UBXN11: variants seen among roughly 807,000 people sequenced by gnomAD.
UBXN11 encodes the protein UBX domain-containing protein 11.
UBXN11 carries 47 observed loss-of-function variants against 62.8 expected under a neutral mutation model. That is an observed-to-expected ratio of 0.75 (90% confidence interval 0.59 to 0.95). The LOEUF (loss-of-function observed/expected upper bound fraction) is 0.95. Among genes scored for constraint, UBXN11 ranks in the 40% least tolerant of loss-of-function variants. The pLI, the probability that UBXN11 is intolerant of heterozygous loss-of-function variation, is 0.00. For synonymous variants in UBXN11, 294 were observed against 267.0 expected, an observed-to-expected ratio of 1.10 and a Z score of -0.99; for missense variants, 638 against 661.7, an observed-to-expected ratio of 0.96 and a Z score of 0.39.
chr1:26,295,237 C>T (rs2073365157), intron 7 of UBXN11, among the ~76,000 whole-genome samples: 2 of 152,020 alleles, frequency 1.3e-5, no homozygotes, highest in African/African-American at 4.8e-5. Flanking sequence ...TCCAGGATGA[C>T]CCACAAGGCC....
Position 26,296,997 on chromosome 1 carries a change from T to G in UBXN11, c.356-2A>C. ...CCTGCCGCTGCAGGGTTGCCTCGGC[T>G]TCAGGGAAAGACAGGGACAGGCTTC... On this transcript the variant is annotated splice_acceptor_variant, in intron 6 of 14. Transcript: ENST00000374222. LOFTEE classifies it high-confidence loss of function. 1 of 1,600,088 alleles carries G rather than the reference T, an allele frequency of 6.2e-7. No homozygotes were observed. The highest frequency in any genetic ancestry group is 8.5e-7 in the Non-Finnish European group (1 of 1,172,756).
chr1:26,308,821 C>G (rs546234755), upstream of UBXN11, among the ~76,000 whole-genome samples: 2 of 152,322 alleles, frequency 1.3e-5, no homozygotes, highest in African/African-American at 4.8e-5. Flanking sequence ...TTTACCCCAT[C>G]CCTTCTTCCC....
Position 26,282,513 on chromosome 1 carries a change from T to G in UBXN11, c.1349A>C (p.Gln450Pro). The change falls in exon 15 of 15, where the codon CAG becomes CCG. Residue 450 changes from glutamine to proline, a missense_variant. Coordinates refer to ENST00000374222, the MANE Select transcript of UBXN11 (RefSeq NM_001389556.1). ...IFSTFPPTLY[Q>P]DDTLTLQAAG... ...AGCCTGCAGCGTGAGTGTATCGTCC[T>G]GGTAGAGGGTGGGCGGGAATGTGCT... 6.3e-7 allele frequency: 1 copy of G among 1,598,494 alleles called. No homozygotes were observed. Among genetic ancestry groups the G allele is most frequent in the Non-Finnish European group, 8.6e-7 (1 of 1,169,568 alleles).
rs568471081 is a variant in UBXN11 at position 26,295,470 on chromosome 1, G to A, written c.433-1139C>T. The stretch of plus-strand genomic sequence containing the variant: ...CCTTCCAATGGCTTCCCATTTTTTC[G>A]GGACAGGATCCAGCCAGAACCACGG... On this transcript the variant is annotated intron_variant, in intron 7 of 14. Transcript: ENST00000374222. Among the ~76,000 whole-genome samples the A allele has an allele frequency of 1.3e-4, 19 of 151,886 alleles. No individual in the cohort carries two copies. In the South Asian group the frequency reaches 2.1e-3, roughly 17 times the overall value.
upstream of UBXN11, among the ~76,000 whole-genome samples, chr1:26,307,732 C>G (rs917017289): frequency 3.3e-5 from 5 of 151,028 alleles, no homozygotes; most frequent in Admixed American, 6.6e-5. Context: ...CTCAAGCTAT[C>G]CTCCCATCAC....
In UBXN11 at chr1:26,282,671, G is replaced by C; in HGVS notation, c.1270C>G (p.Arg424Gly). 6.2e-7 allele frequency: 1 copy of C among 1,614,086 alleles called. No individual in the cohort carries two copies. The highest frequency in any genetic ancestry group is 2.2e-5 in the East Asian group (1 of 44,878). The change falls in exon 14 of 15, where the codon CGA becomes GGA. Residue 424 changes from arginine to glycine, a missense_variant. By Grantham distance (125) the Arg-to-Gly change is moderately radical. Transcript: ENST00000374222. The stretch of plus-strand genomic sequence containing the variant: ...CACCTGGCCTGCGCTAGCAGAGCTC[G>C]CACGTCCCCAATGGTGTTGTCAGGC... ...MQPDNTIGDV[R>G]ALLAQARVMD...
chr1:26,284,843 AC>A (rs1328609420), intron 10 of UBXN11: 1 of 1,037,752 alleles, frequency 9.6e-7, no homozygotes, highest in Non-Finnish European at 1.2e-6. Flanking sequence ...ATGTAACCTC[AC>A]TTGCCTTATC....
At chr1:26,301,103 G>A in intron 3 of UBXN11, 79 bp from the exon 4 acceptor site, 2 of 1,607,842 alleles carry the variant, frequency 1.2e-6, no homozygotes, top group African/African-American at 2.7e-5. Flanking sequence ...TCGCCAGTGT[G>A]ACGCGGCCTA....
chr1:26,287,543 A>C (rs1420383420), intron 8 of UBXN11, among the ~76,000 whole-genome samples: 2 of 151,898 alleles, frequency 1.3e-5, no homozygotes, highest in Non-Finnish European at 2.9e-5. Context: ...GCTGTTTTTC[A>C]ACAGGACAAG....
chr1:26,313,703 A>C (rs923147870), intron 1 of UBXN11, among the ~76,000 whole-genome samples: 3 of 151,458 alleles, frequency 2.0e-5, no homozygotes, highest in Admixed American at 6.6e-5. Context: ...TGTTAAACCT[A>C]TCCACTGAGT....
At chr1:26,297,598 C>T (rs541800207) in intron 5 of UBXN11, 117 bp from the exon 6 acceptor site, 745 of 1,252,624 alleles carry the variant, frequency 5.9e-4, no homozygotes, top group Middle Eastern at 9.9e-4. Flanking sequence ...CCCCTGCCAC[C>T]CTTTGGCACA....
rs55777309 is a variant in UBXN11, at chr1:26,312,979, C to CAAAAAAAAAAA, written c.-149+5057_-149+5067dup. ...GGGCAACAAGAGCAAAACTCTGTCT[C>CAAAAAAAAAAA]AAAAAAAAAAAAAAAAAAAAAAAAA... On this transcript the variant is annotated intron_variant, in intron 1 of 14. Coordinates refer to the UBXN11 transcript ENST00000374217. Among the ~76,000 whole-genome samples, 30 of 48,148 alleles carry CAAAAAAAAAAA rather than the reference C, an allele frequency of 6.2e-4. 5 individuals are homozygous for CAAAAAAAAAAA. The highest frequency in any genetic ancestry group is 1.9e-3 in the African/African-American group (21 of 10,908). 31.6% of individuals were successfully genotyped at this position (48,148 alleles called of 152,430 possible).
chr1:26,299,444 C>G (rs1390272076), intron 4 of UBXN11, among the ~76,000 whole-genome samples: 1 of 146,364 alleles, frequency 6.8e-6, no homozygotes, highest in Non-Finnish European at 1.5e-5. Context: ...CCTGACAGGT[C>G]GAGGCTGCAG....
At chr1:26,284,904 C>T (rs2073091679) in intron 10 of UBXN11, 1 of 1,006,286 alleles carries the variant, frequency 9.9e-7, no homozygotes, top group African/African-American at 1.7e-5. Context: ...TTAAACACCC[C>T]CGCGTCATGA....
chr1:26,296,232 G>A (rs982053385), intron 7 of UBXN11, among the ~76,000 whole-genome samples: 1 of 152,202 alleles, frequency 6.6e-6, no homozygotes, highest in African/African-American at 2.4e-5. Context: ...GGTGACTGGG[G>A]TCACTGAGTC....
intron 10 of UBXN11, chr1:26,284,729 A>AC (rs1215699362): frequency 2.1e-5 from 26 of 1,265,472 alleles, no homozygotes; most frequent in Admixed American, 1.2e-4. Context: ...CTCCTTGGAG[A>AC]CCCCCCTCTC....
chr1:26,298,783 A>G (rs1186524824), intron 4 of UBXN11, among the ~76,000 whole-genome samples: 1 of 150,284 alleles, frequency 6.7e-6, no homozygotes, highest in Non-Finnish European at 1.5e-5. Flanking sequence ...TGTCTCAGAA[A>G]AAAAAAAAAA....
At chr1:26,301,629 G>C in intron 3 of UBXN11, 65 bp downstream of exon 3, 1 of 1,596,486 alleles carries the variant, frequency 6.3e-7, no homozygotes, top group East Asian at 2.2e-5. Context: ...TCTCTCCATC[G>C]GTCCAACTGT....
rs773313361 is a variant in UBXN11, at chr1:26,284,138, T to G, written c.1077+4A>C. On this transcript the variant is annotated splice_donor_region_variant and intron_variant, in intron 12 of 14. Transcript: ENST00000374222. The stretch of plus-strand genomic sequence containing the variant: ...AGGGCTGGGGGAGTTAGCATTGGCC[T>G]CACCTGCAAGGTGTCCCTGATGGGG... 2 of 1,602,216 alleles carry G rather than the reference T, an allele frequency of 1.2e-6. No individual in the cohort carries two copies. The highest frequency in any genetic ancestry group is 2.2e-5 in the South Asian group (2 of 89,656).
Sources: allele counts gnomAD v4.1 joint callset (sites outside exome capture counted in the v4.1 genomes callset), GRCh38; gene constraint gnomAD v4.1.1; transcripts MANE v1.5; gene names NCBI Gene and HGNC (gene_info 2026-07-23, HGNC 2026-07-21).